The following BEST1 variants were observed in gnomAD, a reference collection of about 807,000 sequenced individuals.
BEST1 encodes the protein bestrophin 1.
A neutral mutation model predicts 63.3 loss-of-function variants in BEST1; 58 were observed. The observed-to-expected ratio is 0.92, with a 90% CI of 0.74 to 1.14. The LOEUF (loss-of-function observed/expected upper bound fraction) is 1.14. Ranked by LOEUF, BEST1 falls within the 50% of genes most tolerant of loss-of-function variation. The pLI is 0.00. For synonymous variants in BEST1, 283 were observed against 291.6 expected (o/e 0.97, Z 0.30); for missense variants, 671 against 740.1 (o/e 0.91, Z 1.08).
Position 61,953,875 on chromosome 11 carries a change from G to A in BEST1, c.153-1232G>A, listed in dbSNP as rs1940982034. Among the ~76,000 whole-genome samples the A allele has an allele frequency of 1.4e-5, 2 of 146,880 alleles. 1 individual carries two copies. The highest frequency in any genetic ancestry group is 4.6e-4 in the South Asian group (2 of 4,350). On this transcript the variant is annotated intron_variant, in intron 2 of 10. Transcript: ENST00000378043. Reference sequence around the variant, plus strand: ...CCCTTGAGCCTGGGTAACAGAGCAAGACCCTATCTCAAAACAAACAAACAA... The same window carrying A: ...CCCTTGAGCCTGGGTAACAGAGCAAAACCCTATCTCAAAACAAACAAACAA...
chr11:61,962,460 G>T lies in BEST1; in HGVS notation c.1306G>T (p.Val436Phe). ...AAACCACAAGGCAGCCAAACAGAACGTTAGGGGCCAGGAAGACAACAAGGC... is the reference window on the plus strand; with the variant it reads ...AAACCACAAGGCAGCCAAACAGAACTTTAGGGGCCAGGAAGACAACAAGGC... The part of the protein sequence containing the change: ...PKNHKAAKQN[V>F]RGQEDNKAWK... The change falls in exon 10 of 11, where the codon GTT becomes TTT. Residue 436 changes from valine to phenylalanine, a missense_variant. Coordinates refer to ENST00000378043, the MANE Select transcript of BEST1 (RefSeq NM_004183.4). The T allele has an allele frequency of 6.2e-7, 1 of 1,614,198 alleles. No homozygotes were observed. Among genetic ancestry groups the T allele is most frequent in the Non-Finnish European group, 8.5e-7 (1 of 1,180,046 alleles).
At chr11:61,963,643 G>A (rs1357015919) in intron 10 of BEST1, 2 of 1,051,736 alleles carry the variant, frequency 1.9e-6, no homozygotes, top group Non-Finnish European at 2.3e-6. Flanking sequence ...CAGCTATTAT[G>A]ATTGAAAACT....
In BEST1 at chr11:61,964,380, C is replaced by A; in HGVS notation, c.*258C>A. 2.8e-6 allele frequency: 2 copies of A among 710,758 alleles called. No homozygotes were observed. Among genetic ancestry groups the A allele is most frequent in the Non-Finnish European group, 4.5e-6 (2 of 439,628 alleles). The allele number at this position is 710,758 out of a possible 1,614,324, so 44.0% of individuals were successfully genotyped here. On this transcript the variant is annotated 3_prime_UTR_variant, in exon 11 of 11. Transcript: ENST00000378043. Reference sequence around the variant, plus strand: ...AGACTCTGGATTCAGAGTCGGGAACCCTTAGTTCTATCTGAATCCAAGACA... The same window carrying A: ...AGACTCTGGATTCAGAGTCGGGAACACTTAGTTCTATCTGAATCCAAGACA...
Position 61,960,022 on chromosome 11 carries a change from T to C in BEST1, c.1079T>C (p.Met360Thr), listed in dbSNP as rs1941896701. Residue 360 changes from methionine to threonine, a missense_variant, in exon 9 of 11, where the codon ATG becomes ACG. By Grantham distance (81) the Met-to-Thr change is moderately conservative. Transcript: ENST00000378043. ...ASAQFRRASF[M>T]GSTFNISLNK... ...GCCCAGTTCCGTCGAGCCTCCTTTA[T>C]GGGCTCCACCTTCAACATCAGGTGT... 1 of 1,609,796 alleles carries C rather than the reference T, an allele frequency of 6.2e-7. No homozygotes were observed. Among genetic ancestry groups the C allele is most frequent in the East Asian group, 2.2e-5 (1 of 44,814 alleles).
chr11:61,953,492 C>T (rs964865201), intron 2 of BEST1, among the ~76,000 whole-genome samples: 20 of 152,282 alleles, frequency 1.3e-4, no homozygotes, highest in Admixed American at 1.2e-3. Context: ...GCGGGTGGAT[C>T]ATGAGGTCAG....
In BEST1 at chr11:61,956,947, GT is replaced by G. The variant is rs1941433239; in HGVS notation, c.586del (p.Trp196GlyfsTer16). The stretch of plus-strand genomic sequence containing the variant: ...GGTTTGCCAACCTGTCAATGAAGGC[GT>G]GGCTTGGAGGTCGAATCCGGGACCC... ...VWFANLSMKA[W>X]LGGRIRDPIL... is the part of the protein sequence containing the mutation. On this transcript the variant is annotated frameshift_variant, in exon 5 of 11. Transcript: ENST00000378043. LOFTEE classifies it high-confidence loss of function. 6.2e-7 allele frequency: 1 copy of G among 1,614,024 alleles called. No individual in the cohort carries two copies. The highest frequency in any genetic ancestry group is 1.1e-5 in the South Asian group (1 of 91,082).
Position 61,956,840 on chromosome 11 carries a change from G to T in BEST1, c.482-4G>T. On this transcript the variant is annotated splice_polypyrimidine_tract_variant and splice_region_variant and intron_variant, in intron 4 of 10. Transcript: ENST00000378043. Reference sequence around the variant, plus strand: ...CCCACCGCCTTCTTCACTCCACTCTGCAGGCTTTATGACTCCGGCAGAACA... The same window carrying T: ...CCCACCGCCTTCTTCACTCCACTCTTCAGGCTTTATGACTCCGGCAGAACA... 1 of 1,614,034 alleles carries T rather than the reference G, an allele frequency of 6.2e-7. No individual in the cohort carries two copies. Among genetic ancestry groups the T allele is most frequent in the Non-Finnish European group, 8.5e-7 (1 of 1,179,992 alleles).
intron 6 of BEST1, 52 bp downstream of exon 6, chr11:61,957,516 A>G: frequency 6.4e-7 from 1 of 1,568,490 alleles, no homozygotes; most frequent in Non-Finnish European, 8.8e-7. Context: ...GGCTAGAAGG[A>G]CCAAGGAAGC....
chr11:61,955,299 A>G, intron 3 of BEST1, 98 bp downstream of exon 3: 5 of 851,962 alleles, frequency 5.9e-6, no homozygotes, highest in South Asian at 1.3e-5. Flanking sequence ...GGGGCTGGGG[A>G]GGGGGCGGGG....
rs1322422562 is a variant in BEST1, at chr11:61,962,519, T to A, written c.1365T>A (p.Ser455=). ...WKLKAVDAFK[S]APLYQRPGYY... The stretch of plus-strand genomic sequence containing the variant: ...TTAAGGCTGTGGACGCCTTCAAGTC[T>A]GCCCCACTGTATCAGAGGCCAGGCT... Residue 455 remains serine, a synonymous_variant, in exon 10 of 11, where the codon TCT becomes TCA. Transcript: ENST00000378043. The A allele has an allele frequency of 6.2e-7, 1 of 1,614,214 alleles. No homozygotes were observed. The highest frequency in any genetic ancestry group is 2.2e-5 in the East Asian group (1 of 44,882).
chr11:61,962,158 G>A, intron 9 of BEST1, 97 bp from the exon 10 acceptor site: 1 of 1,388,230 alleles, frequency 7.2e-7, no homozygotes, highest in Non-Finnish European at 1.0e-6. Context: ...CTTGGCTTGG[G>A]CCAACTGAGA....
chr11:61,955,396 T>C (rs949485143), intron 3 of BEST1, 195 bp downstream of exon 3: 20 of 1,449,072 alleles, frequency 1.4e-5, no homozygotes, highest in Non-Finnish European at 1.8e-5. Context: ...AGGTAAGACG[T>C]CCTGCCGTTA....
At chr11:61,951,641 G>T in intron 1 of BEST1, 130 bp from the exon 2 acceptor site, 2 of 896,310 alleles carry the variant, frequency 2.2e-6, no homozygotes, top group Non-Finnish European at 3.4e-6. Flanking sequence ...GCAGGGCCTT[G>T]GAGACCACTT....
intron 7 of BEST1, chr11:61,958,694 A>T: frequency 2.1e-6 from 1 of 468,730 alleles, no homozygotes; most frequent in South Asian, 2.1e-5. Context: ...TGGCTTGTCC[A>T]GGTATTCCCT....
At chr11:61,954,959 C>G in intron 2 of BEST1, 148 bp from the exon 3 acceptor site, 1 of 1,498,436 alleles carries the variant, frequency 6.7e-7, no homozygotes, top group Non-Finnish European at 8.9e-7. Flanking sequence ...GGACCTGGCT[C>G]AGGCCTCAGG....
intron 2 of BEST1, chr11:61,954,740 G>A (rs2736594): frequency 5.3e-6 from 5 of 950,024 alleles, no homozygotes; most frequent in Non-Finnish European, 6.3e-6. Flanking sequence ...GTGAACCACC[G>A]TGCCCGTCCC....
downstream of BEST1, chr11:61,964,760 C>A (rs774482982): frequency 6.3e-7 from 1 of 1,599,376 alleles, no homozygotes; most frequent in East Asian, 2.2e-5. Context: ...CCAGGGTGTG[C>A]TTGTCAAAGA....
intron 2 of BEST1, among the ~76,000 whole-genome samples, chr11:61,952,877 G>A (rs1940860244): frequency 6.6e-6 from 1 of 152,068 alleles, no homozygotes; most frequent in Non-Finnish European, 1.5e-5. Context: ...AGGGGCCAAG[G>A]TGCGGGGATC....
rs772270802 is a variant in BEST1, at chr11:61,960,074, AG to A, written c.1100+32del. ...GCCAGAGCCAGGGGGCTGGGTGGGA[AG>A]CCCCTCCTAGTGCAGGGGTCTGCCT... On this transcript the variant is annotated intron_variant, in intron 9 of 10. Coordinates refer to ENST00000378043, the MANE Select transcript of BEST1 (RefSeq NM_004183.4). 1.6e-5 allele frequency: 25 copies of A among 1,598,992 alleles called. 1 individual carries two copies. In the South Asian group the frequency reaches 2.8e-4, roughly 18 times the overall value.
Sources: gnomAD v4.1 joint callset for allele counts (sites outside exome capture counted in the v4.1 genomes callset) on GRCh38, gnomAD v4.1.1 for gene constraint, MANE v1.5 for transcripts, NCBI Gene and HGNC (gene_info 2026-07-23, HGNC 2026-07-21) for gene names.